The following ADD2 variants were observed in gnomAD, a reference collection of about 807,000 sequenced individuals.
The protein encoded by ADD2 is beta-adducin.
In ADD2, 23 loss-of-function variants were observed where a neutral mutation model predicts 83.0. The observed-to-expected ratio is 0.28, with a 90% CI of 0.20 to 0.39. ADD2 has a LOEUF of 0.39. Among genes scored for constraint, ADD2 ranks in the 10% least tolerant of loss-of-function variants. The pLI, the probability that ADD2 is intolerant of heterozygous loss-of-function variation, is 1.00. For missense variants in ADD2, 758 were observed against 944.9 expected (o/e 0.80, Z 2.59); for synonymous variants, 375 against 375.4 (o/e 1.00, Z 0.01).
In ADD2 at chr2:70,683,602, G is replaced by C. The variant is rs782568256; in HGVS notation, c.1114C>G (p.Leu372Val). 6.2e-7 allele frequency: 1 copy of C among 1,612,132 alleles called. No homozygotes were observed. The highest frequency in any genetic ancestry group is 8.5e-7 in the Non-Finnish European group (1 of 1,178,568). Residue 372 changes from leucine to valine, a missense_variant, in exon 10 of 16, where the codon CTG (leucine) becomes GTG (valine). Transcript: ENST00000264436. ...GGCAGGAGACTCACCAGGTTGTCCA[G>C]CATCCTCATGAGGGCCTCAAACTCA... Reference protein sequence around the residue: ...EHEFEALMRMLDNLGYRTGYT... With the variant: ...EHEFEALMRMVDNLGYRTGYT...
intron 1 of ADD2, among the ~76,000 whole-genome samples, chr2:70,739,513 C>T (rs1673765728): frequency 6.6e-6 from 1 of 152,148 alleles, no homozygotes; most frequent in African/African-American, 2.4e-5. Context: ...ACCATTTGAC[C>T]CAGCAATCTT....
chr2:70,690,920 T>C lies in ADD2; in HGVS notation c.715A>G (p.Met239Val), dbSNP rs1473951152. 2 of 1,612,236 alleles carry C rather than the reference T, an allele frequency of 1.2e-6. No individual in the cohort carries two copies. Among genetic ancestry groups the C allele is most frequent in the African/African-American group, 2.7e-5 (2 of 74,894 alleles). Residue 239 changes from methionine (M) to valine (V), a missense_variant, in exon 8 of 16, where the codon ATG becomes GTG. Around this residue, in one of 5 missense-constraint regions of ADD2, gnomAD observed 394 missense variants for 509.3 expected, o/e 0.77. Coordinates refer to ENST00000264436, the MANE Select transcript of ADD2 (RefSeq NM_001617.4). ...HTPATAAVSA[M>V]KWGLLPVSHN... is the part of the protein sequence containing the mutation. ...GAGACAGGCAGGAGGCCCCACTTCA[T>C]GGCCGACACCTTAGAGAGACAATGG...
intron 1 of ADD2, among the ~76,000 whole-genome samples, chr2:70,765,475 A>G (rs562432927): frequency 4.1e-4 from 63 of 152,292 alleles, no homozygotes; most frequent in African/African-American, 1.5e-3. Context: ...TTATATATTC[A>G]TTTGAGAGAT....
rs368126135 is a variant in ADD2, at chr2:70,682,214, G to A, written c.1125+1377C>T. On this transcript the variant is annotated intron_variant, in intron 10 of 15. Coordinates refer to ENST00000264436, the MANE Select transcript of ADD2 (RefSeq NM_001617.4). ...TTTCATCAACGTTCAAAGAAAAATT[G>A]GTCTAAATATATTACAATTATTATG... 8.5e-5 allele frequency among the ~76,000 whole-genome samples: 13 copies of A among 152,170 alleles called. No homozygotes were observed. The East Asian group carries it at 2.3e-3, about 27-fold the overall frequency.
At chr2:70,756,681 T>C (rs1553383910) in intron 1 of ADD2, among the ~76,000 whole-genome samples, 2 of 152,184 alleles carry the variant, frequency 1.3e-5, no homozygotes, top group East Asian at 1.9e-4. Flanking sequence ...GCCTTATCTA[T>C]GGCATAGAGT....
At chr2:70,726,015 G>A (rs10202720) in intron 1 of ADD2, among the ~76,000 whole-genome samples, 1 of 151,002 alleles carries the variant, frequency 6.6e-6, no homozygotes, top group Non-Finnish European at 1.5e-5. Flanking sequence ...GTGAAACCCC[G>A]TCTCTACTAA....
At chr2:70,742,864 G>A (rs184951807) in intron 1 of ADD2, among the ~76,000 whole-genome samples, 1 of 149,314 alleles carries the variant, frequency 6.7e-6, no homozygotes, top group African/African-American at 2.6e-5. Context: ...ACATCTTAAT[G>A]TTATGTTTTT....
At chr2:70,681,808 T>C (rs1670464493) in intron 10 of ADD2, among the ~76,000 whole-genome samples, 1 of 152,168 alleles carries the variant, frequency 6.6e-6, no homozygotes, top group South Asian at 2.1e-4. Context: ...TAGAATAATA[T>C]TAAATAATAG....
At chr2:70,703,150 A>C (rs1327863123) in intron 4 of ADD2, among the ~76,000 whole-genome samples, 1 of 141,380 alleles carries the variant, frequency 7.1e-6, no homozygotes, top group Non-Finnish European at 1.6e-5. Context: ...AAAGGAAAGG[A>C]AGAAGAAAAG....
intron 14 of ADD2, among the ~76,000 whole-genome samples, chr2:70,673,510 T>A (rs1220304672): frequency 2.0e-5 from 3 of 152,216 alleles, no homozygotes; most frequent in Non-Finnish European, 4.4e-5. Flanking sequence ...GTCCAAACAA[T>A]CCCTAGGGAT....
rs1672280559 is a variant in ADD2, at chr2:70,713,064, ACCGGGAGGCTGGCCCAGC to A, written c.-51_-35+1del. On this transcript the variant is annotated splice_donor_variant and 5_prime_UTR_variant, in exon 2 of 16. Transcript: ENST00000264436. LOFTEE classifies it low-confidence loss of function (5UTR_SPLICE). ...CACCACCAGAAACTACTGCTTACTT[ACCGGGAGGCTGGCCCAGC>A]CCTGTCCAAGGCTCCTTCTGTTCAC... is the stretch of plus-strand genomic sequence containing the variant. The A allele has an allele frequency of 1.0e-6, 1 of 984,304 alleles. No individual in the cohort carries two copies. Among genetic ancestry groups the A allele is most frequent in the Non-Finnish European group, 1.2e-6 (1 of 828,918 alleles). The allele number at this position is 984,304 out of a possible 1,614,324, so 61.0% of individuals were successfully genotyped here.
chr2:70,684,788 T>C (rs1670633815), intron 9 of ADD2, among the ~76,000 whole-genome samples: 1 of 152,190 alleles, frequency 6.6e-6, no homozygotes, highest in African/African-American at 2.4e-5. Context: ...TCTGTCTCAT[T>C]GTCAAGGCTC....
At chr2:70,717,218 G>C (rs1453232111) in intron 1 of ADD2, among the ~76,000 whole-genome samples, 1 of 152,038 alleles carries the variant, frequency 6.6e-6, no homozygotes, top group Non-Finnish European at 1.5e-5. Context: ...TACACATCAT[G>C]AGACACGCTT....
intron 1 of ADD2, among the ~76,000 whole-genome samples, chr2:70,745,741 G>A (rs955034448): frequency 3.9e-5 from 6 of 152,188 alleles, no homozygotes; most frequent in African/African-American, 9.7e-5. Flanking sequence ...TCCAAGGAAT[G>A]TCACCATCTT....
intron 15 of ADD2, 31 bp downstream of exon 15, chr2:70,672,843 TCTCC>T (rs1553367358): frequency 1.9e-6 from 3 of 1,581,998 alleles, no homozygotes; most frequent in Non-Finnish European, 2.6e-6. Flanking sequence ...GATGCACCCC[TCTCC>T]CTCCCTCCCA....
intron 1 of ADD2, among the ~76,000 whole-genome samples, chr2:70,757,506 C>G (rs1283332541): frequency 1.3e-5 from 2 of 152,038 alleles, no homozygotes; most frequent in Non-Finnish European, 2.9e-5. Context: ...CTGGATACTG[C>G]ATAACTATGG....
At chr2:70,702,541 T>C (rs1671647115) in intron 4 of ADD2, among the ~76,000 whole-genome samples, 1 of 152,082 alleles carries the variant, frequency 6.6e-6, no homozygotes. Context: ...GGGTATTTGT[T>C]CCATCAGATG....
At chr2:70,687,215 G>A (rs1380470503) in intron 9 of ADD2, 1 of 152,486 alleles carries the variant, frequency 6.6e-6, no homozygotes, top group Non-Finnish European at 1.5e-5. Flanking sequence ...AGAGTGGGGA[G>A]GATGGAGCCT....
chr2:70,691,139 A>T (rs952420404), intron 7 of ADD2, among the ~76,000 whole-genome samples: 20 of 151,990 alleles, frequency 1.3e-4, no homozygotes, highest in African/African-American at 4.8e-4. Flanking sequence ...TCTTTCCATC[A>T]CTGTTTTCAC....
Sources: allele counts gnomAD v4.1 joint callset (sites outside exome capture counted in the v4.1 genomes callset), GRCh38; gene constraint gnomAD v4.1.1; regional missense constraint gnomAD v4.1.1; transcripts MANE v1.5; gene names NCBI Gene and HGNC (gene_info 2026-07-23, HGNC 2026-07-21).